ZNF229: variants seen among roughly 807,000 people sequenced by gnomAD.
The protein encoded by ZNF229 is zinc finger protein 229.
Under a neutral mutation model 11.8 loss-of-function variants are expected in ZNF229, and 10 were observed. The observed-to-expected ratio is 0.85, with a 90% CI of 0.52 to 1.44. The LOEUF is 1.44. Among genes scored for constraint, ZNF229 ranks in the 40% most tolerant of loss-of-function variants. The pLI is 0.00. For missense variants in ZNF229, 1,045 were observed against 1,015.1 expected (o/e 1.03, Z -0.40); for synonymous variants, 368 against 374.8 (o/e 0.98, Z 0.21).
chr19:44,428,683 G>A lies in ZNF229; in HGVS notation c.2098C>T (p.Arg700Cys), dbSNP rs370335801. The A allele has an allele frequency of 1.4e-4, 230 of 1,613,816 alleles. 1 individual carries two copies. The highest frequency in any genetic ancestry group is 2.0e-4 in the Admixed American group (12 of 59,992). Residue 700 changes from arginine (R) to cysteine (C), a missense_variant, in exon 6 of 6, where the codon CGC becomes TGC. Coordinates refer to ENST00000614049, the MANE Select transcript of ZNF229 (RefSeq NM_014518.4). ...CCTGTGTGCAACCTCTGGTGGGTGCGAAGATTAGAGCCATAACTGAATCCC... is the reference window on the plus strand; with the variant it reads ...CCTGTGTGCAACCTCTGGTGGGTGCAAAGATTAGAGCCATAACTGAATCCC... ...GKGFSYGSNLRTHQRLHTGEK... is the reference protein window; with the variant it reads ...GKGFSYGSNLCTHQRLHTGEK...
chr19:44,429,538 T>C lies in ZNF229; in HGVS notation c.1243A>G (p.Ser415Gly). Reference protein sequence around the residue: ...YKCSECGKGFSYSSVLQVHQR... With the variant: ...YKCSECGKGFGYSSVLQVHQR... ...TGGACTTGAAGCACTGAGCTGTAAC[T>C]GAAGCCCTTCCCACACTCGCTGCAT... The change falls in exon 6 of 6, where the codon AGT becomes GGT. Residue 415 changes from serine (S) to glycine (G), a missense_variant. Physicochemically the swap from Ser to Gly is moderately conservative, Grantham distance 56. Transcript: ENST00000614049. The C allele has an allele frequency of 1.2e-6, 2 of 1,611,646 alleles. No individual in the cohort carries two copies. Among genetic ancestry groups the C allele is most frequent in the Non-Finnish European group, 1.7e-6 (2 of 1,178,418 alleles).
chr19:44,430,953 C>A (rs1028321801), intron 5 of ZNF229, among the ~76,000 whole-genome samples: 1 of 152,110 alleles, frequency 6.6e-6, no homozygotes, highest in Non-Finnish European at 1.5e-5. Context: ...ATATTACCTT[C>A]ATTTTCCAAT....
At chr19:44,438,642 G>A (rs1047640061) in intron 4 of ZNF229, among the ~76,000 whole-genome samples, 5 of 152,120 alleles carry the variant, frequency 3.3e-5, no homozygotes, top group Non-Finnish European at 5.9e-5. Context: ...GAACAAGGAA[G>A]GATTAGAGGA....
chr19:44,429,890 C>G lies in ZNF229; in HGVS notation c.891G>C (p.Glu297Asp). ...CACTGTGCCTCAAGCCCTCACTAAA[C>G]TCATCATATTGACAGAGTTTCTCTT... ...PLKEKLCQYD[E>D]FSEGLRHSAH... Residue 297 changes from glutamate to aspartate, a missense_variant, in exon 6 of 6, where the codon GAG becomes GAC. Transcript: ENST00000614049. The G allele has an allele frequency of 1.9e-6, 3 of 1,614,060 alleles. No homozygotes were observed. Among genetic ancestry groups the G allele is most frequent in the Non-Finnish European group, 2.5e-6 (3 of 1,180,008 alleles).
At chr19:44,434,143 T>C (rs971107967) in intron 4 of ZNF229, among the ~76,000 whole-genome samples, 2 of 152,158 alleles carry the variant, frequency 1.3e-5, no homozygotes, top group African/African-American at 4.8e-5. Context: ...TGACTCTGAC[T>C]TGTAGATTGC....
At position 44,430,817 on chromosome 19, in the gene ZNF229, C is replaced by T. The variant is rs140454791; in HGVS notation, c.239-275G>A. 4.5e-4 allele frequency among the ~76,000 whole-genome samples: 69 copies of T among 152,288 alleles called. No homozygotes were observed. The East Asian group carries it at 0.012, about 26-fold the overall frequency. On this transcript the variant is annotated intron_variant, in intron 5 of 5. Transcript: ENST00000614049. ...AACAGATTTTTATAGAGAAAGTTCA[C>T]TTCTTCGCTTAATAATGCTGTTATA...
chr19:44,445,343 T>C (rs957755876), intron 2 of ZNF229, among the ~76,000 whole-genome samples: 4 of 152,192 alleles, frequency 2.6e-5, no homozygotes, highest in African/African-American at 9.7e-5. Flanking sequence ...CTCATATTCT[T>C]CTCTGGCCAA....
intron 4 of ZNF229, among the ~76,000 whole-genome samples, chr19:44,439,076 T>C (rs755936046): frequency 2.4e-4 from 36 of 152,034 alleles, no homozygotes; most frequent in Non-Finnish European, 2.5e-4. Context: ...ACCTGTGGGA[T>C]CTGACACTAC....
chr19:44,442,199 T>C (rs1016780406), intron 4 of ZNF229, among the ~76,000 whole-genome samples: 3 of 152,210 alleles, frequency 2.0e-5, no homozygotes, highest in Non-Finnish European at 2.9e-5. Flanking sequence ...TATAAATGAA[T>C]AACGTTCCAC....
In ZNF229 at chr19:44,429,841, CT is replaced by C; in HGVS notation, c.939del (p.Val314PhefsTer506). The C allele has an allele frequency of 6.2e-7, 1 of 1,614,040 alleles. No homozygotes were observed. Among genetic ancestry groups the C allele is most frequent in the East Asian group, 2.2e-5 (1 of 44,870 alleles). On this transcript the variant is annotated frameshift_variant, in exon 6 of 6. Coordinates refer to ENST00000614049, the MANE Select transcript of ZNF229 (RefSeq NM_014518.4). LOFTEE classifies it low-confidence loss of function (END_TRUNC). ...RHSAHLNRHQ[R>X]VPTGEKSVKS... ...TTAACAGATTTCTCTCCTGTGGGAA[CT>C]CTTTGATGTCTGTTAAGATGGGCAC...
At position 44,429,962 on chromosome 19, in the gene ZNF229, G is replaced by A; in HGVS notation, c.819C>T (p.Gly273=). ...GGGGAAGGTCTGCATCGTCCCTGAA[G>A]CCATTTCTGTATTCGTTACTTTTCA... ...NGLKSNEYRN[G]FRDDADLPPH... Residue 273 remains glycine (G), a synonymous_variant, in exon 6 of 6, where the codon GGC becomes GGT. Coordinates refer to ENST00000614049, the MANE Select transcript of ZNF229 (RefSeq NM_014518.4). 6.2e-7 allele frequency: 1 copy of A among 1,613,834 alleles called. No individual in the cohort carries two copies. The highest frequency in any genetic ancestry group is 8.5e-7 in the Non-Finnish European group (1 of 1,179,790).
At chr19:44,435,705 G>T (rs1971800620) in intron 4 of ZNF229, among the ~76,000 whole-genome samples, 1 of 152,184 alleles carries the variant, frequency 6.6e-6, no homozygotes, top group Non-Finnish European at 1.5e-5. Flanking sequence ...CAGAAGCAAT[G>T]TTTACAGAGG....
At chr19:44,444,442 T>C (rs1971970893) in intron 2 of ZNF229, among the ~76,000 whole-genome samples, 1 of 152,284 alleles carries the variant, frequency 6.6e-6, no homozygotes, top group African/African-American at 2.4e-5. Flanking sequence ...TGCACTGCCC[T>C]GAACTGGGGA....
chr19:44,447,035 G>T (rs1972014852), intron 2 of ZNF229, among the ~76,000 whole-genome samples: 1 of 152,146 alleles, frequency 6.6e-6, no homozygotes, highest in Non-Finnish European at 1.5e-5. Flanking sequence ...CTCCTGGCCA[G>T]GTCTTACCTG....
At chr19:44,445,475 T>G (rs1172303847) in intron 2 of ZNF229, among the ~76,000 whole-genome samples, 1 of 152,220 alleles carries the variant, frequency 6.6e-6, no homozygotes, top group African/African-American at 2.4e-5. Context: ...TCTGCTCAGC[T>G]CTGGCTTCCT....
At chr19:44,433,672 C>T (rs1189760271) in intron 4 of ZNF229, among the ~76,000 whole-genome samples, 8 of 152,226 alleles carry the variant, frequency 5.3e-5, no homozygotes, top group East Asian at 3.9e-4. Flanking sequence ...CAAATGCCAG[C>T]GCAATGCTTC....
chr19:44,439,904 T>A (rs187771412), intron 4 of ZNF229, among the ~76,000 whole-genome samples: 1 of 152,346 alleles, frequency 6.6e-6, no homozygotes, highest in East Asian at 1.9e-4. Flanking sequence ...CTACTAAATC[T>A]TTATTTTAAA....
Position 44,429,885 on chromosome 19 carries a change from C to A in ZNF229, c.896G>T (p.Ser299Ile). Residue 299 changes from serine to isoleucine, a missense_variant, in exon 6 of 6, where the codon AGT becomes ATT. By Grantham distance (142) the Ser-to-Ile change is moderately radical. Coordinates refer to ENST00000614049, the MANE Select transcript of ZNF229 (RefSeq NM_014518.4). ...KEKLCQYDEFSEGLRHSAHLN... is the reference protein window; with the variant it reads ...KEKLCQYDEFIEGLRHSAHLN... Reference sequence around the variant, plus strand: ...ATGGGCACTGTGCCTCAAGCCCTCACTAAACTCATCATATTGACAGAGTTT... The same window carrying A: ...ATGGGCACTGTGCCTCAAGCCCTCAATAAACTCATCATATTGACAGAGTTT... 1 of 1,614,076 alleles carries A rather than the reference C, an allele frequency of 6.2e-7. No homozygotes were observed.
intron 4 of ZNF229, among the ~76,000 whole-genome samples, chr19:44,440,644 A>G (rs944612898): frequency 6.6e-6 from 1 of 152,290 alleles, no homozygotes; most frequent in Admixed American, 6.5e-5. Context: ...GAAGAAAATG[A>G]CACAACCTGT....
Sources: allele counts gnomAD v4.1 joint callset (sites outside exome capture counted in the v4.1 genomes callset), GRCh38; gene constraint gnomAD v4.1.1; transcripts MANE v1.5; gene names NCBI Gene and HGNC (gene_info 2026-07-23, HGNC 2026-07-21).